REV1: variants seen among roughly 807,000 people sequenced by gnomAD.
REV1 encodes the protein translesion synthesis protein REV1.
REV1 carries 42 observed loss-of-function variants against 137.4 expected under a neutral mutation model. The ratio of observed to expected loss-of-function variants is 0.31; its 90% confidence interval spans 0.24 to 0.40. REV1 has a LOEUF of 0.40. Ranked by LOEUF, REV1 falls within the 10% of genes least tolerant of loss-of-function variation. The probability of loss-of-function intolerance (pLI) is 1.00; values close to 1 mark genes in which losing one functional copy is unlikely to be tolerated. For synonymous variants in REV1, 524 were observed against 519.2 expected, an observed-to-expected ratio of 1.01 and a Z score of -0.12; for missense variants, 1,282 against 1,490.1, an observed-to-expected ratio of 0.86 and a Z score of 2.30.
intron 1 of REV1, among the ~76,000 whole-genome samples, chr2:99,474,245 A>G (rs1018892568): frequency 1.3e-5 from 2 of 152,164 alleles, no homozygotes; most frequent in South Asian, 2.1e-4. Flanking sequence ...CAACTCATCC[A>G]TAGAGTGAGT....
chr2:99,415,029 T>C (rs1041961389), intron 12 of REV1, among the ~76,000 whole-genome samples: 1 of 152,174 alleles, frequency 6.6e-6, no homozygotes, highest in Non-Finnish European at 1.5e-5. Context: ...TTCTTCTCCA[T>C]GCAGGCTCAT....
intron 3 of REV1, chr2:99,451,343 A>ACC: frequency 7.9e-7 from 1 of 1,259,292 alleles, no homozygotes; most frequent in Non-Finnish European, 1.0e-6. Context: ...TAAAGTACTC[A>ACC]CCCGTCTACT....
At chr2:99,408,223 A>AAT in intron 14 of REV1, 92 bp from the exon 15 acceptor site, 1 of 635,790 alleles carries the variant, frequency 1.6e-6, no homozygotes, top group South Asian at 3.4e-5. Context: ...GAGTTATAGA[A>AAT]AAGTTGTAAA....
chr2:99,477,781 CTTG>C lies in REV1; in HGVS notation c.-11+12033_-11+12035del, dbSNP rs1250848706. Among the ~76,000 whole-genome samples, 6 of 152,308 alleles carry C rather than the reference CTTG, an allele frequency of 3.9e-5. No homozygotes were observed. The East Asian group carries it at 1.2e-3, about 29-fold the overall frequency. On this transcript the variant is annotated intron_variant, in intron 1 of 22. Transcript: ENST00000258428. The stretch of plus-strand genomic sequence containing the variant: ...CAACAAAGAGTTTTCTCTTATTCTT[CTTG>C]TTATTCATAACTACCAAAAAAAGAT...
intron 8 of REV1, among the ~76,000 whole-genome samples, chr2:99,430,191 T>C (rs905853991): frequency 6.6e-6 from 1 of 152,116 alleles, no homozygotes; most frequent in African/African-American, 2.4e-5. Flanking sequence ...GAGGTTTGTT[T>C]TTTTTTTAAA....
At chr2:99,409,416 C>T (rs971344806) in intron 14 of REV1, among the ~76,000 whole-genome samples, 2 of 152,080 alleles carry the variant, frequency 1.3e-5, no homozygotes, top group Non-Finnish European at 2.9e-5. Flanking sequence ...CTTTCAGTGT[C>T]AAAAGTCTCA....
chr2:99,424,376 A>G (rs1679069247), intron 9 of REV1, 96 bp from the exon 10 acceptor site: 5 of 1,284,262 alleles, frequency 3.9e-6, no homozygotes, highest in Non-Finnish European at 3.2e-6. Flanking sequence ...CCACTAATTT[A>G]TAATTTCCAC....
rs755349559 is a variant in REV1, at chr2:99,438,864, A to G, written c.950T>C (p.Val317Ala). The stretch of plus-strand genomic sequence containing the variant: ...GCTTTTTGTGCTTGAAGGCCCCTGA[A>G]CAGTGGAGTGGTGAGCACCATTGAT... ...TKINGAHHST[V>A]QGPSSTKSTS... is the part of the protein sequence containing the mutation. The change falls in exon 6 of 23, where the codon GTT becomes GCT. Residue 317 changes from valine to alanine, a missense_variant. By Grantham distance (64) the Val-to-Ala change is moderately conservative. Coordinates refer to ENST00000258428, the MANE Select transcript of REV1 (RefSeq NM_016316.4). 6.2e-7 allele frequency: 1 copy of G among 1,614,212 alleles called. No individual in the cohort carries two copies. Among genetic ancestry groups the G allele is most frequent in the Non-Finnish European group, 8.5e-7 (1 of 1,180,046 alleles).
Position 99,400,964 on chromosome 2 carries a change from TATTA to T in REV1, c.*273_*276del. ...TGTACAAAATATACATACAGTTCTTTATTAAACAACTGTAAACACTTCACTGTAA... is the reference window on the plus strand; with the variant it reads ...TGTACAAAATATACATACAGTTCTTTAACAACTGTAAACACTTCACTGTAA... On this transcript the variant is annotated 3_prime_UTR_variant, in exon 23 of 23. Transcript: ENST00000258428. 4.7e-6 allele frequency: 1 copy of T among 211,080 alleles called. No individual in the cohort carries two copies. The allele number at this position is 211,080 out of a possible 1,614,324, so 13.1% of individuals were successfully genotyped here.
intron 12 of REV1, among the ~76,000 whole-genome samples, chr2:99,418,488 C>T (rs928138150): frequency 6.6e-6 from 1 of 152,104 alleles, no homozygotes; most frequent in Non-Finnish European, 1.5e-5. Context: ...TATCTTTAGC[C>T]CAGGAGTAAA....
At chr2:99,451,930 C>T (rs1358754058) in intron 3 of REV1, among the ~76,000 whole-genome samples, 1 of 151,992 alleles carries the variant, frequency 6.6e-6, no homozygotes, top group Non-Finnish European at 1.5e-5. Flanking sequence ...CATGCATGGT[C>T]GCTGGAAGCT....
chr2:99,402,765 G>T lies in REV1; in HGVS notation c.3420C>A (p.Gly1140=). 1 of 1,614,168 alleles carries T rather than the reference G, an allele frequency of 6.2e-7. No individual in the cohort carries two copies. The change falls in exon 21 of 23, where the codon GGC becomes GGA. Residue 1140 remains glycine, a synonymous_variant. Coordinates refer to ENST00000258428, the MANE Select transcript of REV1 (RefSeq NM_016316.4). ...CTGGGTCAGACTGCAAACTAGAAAG[G>T]CCTGGCACACCTGAAGTAGAAGCAG... ...ELSASTSGVP[G]LSSLQSDPAG...
intron 1 of REV1, among the ~76,000 whole-genome samples, chr2:99,485,667 T>TA (rs1020345803): frequency 3.9e-5 from 6 of 152,290 alleles, no homozygotes; most frequent in South Asian, 2.1e-4. Flanking sequence ...GATTGAAAAA[T>TA]AAAAAACCTG....
chr2:99,435,666 A>C (rs1042969048), intron 7 of REV1, 168 bp downstream of exon 7: 3 of 488,262 alleles, frequency 6.1e-6, no homozygotes, highest in African/African-American at 6.1e-5. Context: ...GGAGAAAGAA[A>C]AACTCTAATT....
intron 3 of REV1, among the ~76,000 whole-genome samples, chr2:99,451,746 A>AC (rs1424950383): frequency 6.6e-6 from 1 of 151,636 alleles, no homozygotes; most frequent in East Asian, 1.9e-4. Context: ...AATGTATATG[A>AC]CCTCAGGATC....
chr2:99,469,074 T>C (rs906284615), intron 1 of REV1, among the ~76,000 whole-genome samples: 6 of 152,126 alleles, frequency 3.9e-5, no homozygotes, highest in African/African-American at 1.4e-4. Flanking sequence ...AAAACAAAGT[T>C]CGACTGCAGA....
chr2:99,488,669 A>G (rs1380408815), intron 1 of REV1, among the ~76,000 whole-genome samples: 2 of 152,228 alleles, frequency 1.3e-5, no homozygotes, highest in African/African-American at 4.8e-5. Flanking sequence ...GGCAAACCCA[A>G]GAATATGTGT....
chr2:99,470,737 G>A (rs1243550678), intron 1 of REV1, among the ~76,000 whole-genome samples: 1 of 152,318 alleles, frequency 6.6e-6, no homozygotes, highest in East Asian at 1.9e-4. Context: ...AATACAGAAT[G>A]TGAGGTCCTG....
chr2:99,462,891 C>T (rs1684384626), intron 2 of REV1: 4 of 260,300 alleles, frequency 1.5e-5, no homozygotes, highest in Middle Eastern at 2.6e-3. Flanking sequence ...AGTTTGAGAC[C>T]AGCTTGGCCA....
Sources: allele counts gnomAD v4.1 joint callset (sites outside exome capture counted in the v4.1 genomes callset), GRCh38; gene constraint gnomAD v4.1.1; transcripts MANE v1.5; gene names NCBI Gene and HGNC (gene_info 2026-07-23, HGNC 2026-07-21).